ANO10: variants seen among roughly 807,000 people sequenced by gnomAD.
ANO10 encodes anoctamin-10.
A neutral mutation model predicts 74.7 loss-of-function variants in ANO10; 77 were observed. The ratio of observed to expected loss-of-function variants is 1.03; its 90% CI spans 0.86 to 1.25. The LOEUF (loss-of-function observed/expected upper bound fraction) is 1.25, where lower values mean the gene tolerates loss of function less well. ANO10 is among the 50% of genes most tolerant of loss of function. The pLI is 0.00. For missense variants in ANO10, 721 were observed against 778.1 expected (o/e 0.93, Z 0.87); for synonymous variants, 279 against 284.9 (o/e 0.98, Z 0.21).
At chr3:43,690,971 C>T (rs371780182) in intron 1 of ANO10, 39 of 1,569,070 alleles carry the variant, frequency 2.5e-5, no homozygotes, top group South Asian at 5.8e-5. Context: ...AGATAAGTCC[C>T]GGCGCTTGCG....
intron 11 of ANO10, among the ~76,000 whole-genome samples, chr3:43,490,000 A>T (rs558489333): frequency 1.8e-4 from 28 of 152,224 alleles, no homozygotes; most frequent in Non-Finnish European, 3.2e-4. Flanking sequence ...TATCCTTTGC[A>T]TCAAAATAAT....
chr3:43,489,051 T>C (rs1272075284), intron 11 of ANO10, among the ~76,000 whole-genome samples: 1 of 151,634 alleles, frequency 6.6e-6, no homozygotes, highest in Non-Finnish European at 1.5e-5. Flanking sequence ...AACATCATTC[T>C]CAGTAAACTA....
intron 11 of ANO10, among the ~76,000 whole-genome samples, chr3:43,513,938 TG>T (rs1376223524): frequency 6.6e-6 from 1 of 150,626 alleles, no homozygotes. Flanking sequence ...AATATTATTT[TG>T]TTTGCTATTA....
intron 1 of ANO10, among the ~76,000 whole-genome samples, chr3:43,659,209 C>G (rs1277484453): frequency 6.6e-6 from 1 of 152,148 alleles, no homozygotes; most frequent in African/African-American, 2.4e-5. Flanking sequence ...ACTGGTTGGA[C>G]AGTGGGTGCA....
At chr3:43,628,923 AGTCCTGTG>A (rs1209507162) in intron 1 of ANO10, among the ~76,000 whole-genome samples, 2 of 152,316 alleles carry the variant, frequency 1.3e-5, no homozygotes, top group African/African-American at 4.8e-5. Context: ...ATTTCGCCCC[AGTCCTGTG>A]GTCCTGTGAT....
At chr3:43,629,974 C>A (rs1260297627) in intron 1 of ANO10, among the ~76,000 whole-genome samples, 1 of 152,072 alleles carries the variant, frequency 6.6e-6, no homozygotes, top group African/African-American at 2.4e-5. Context: ...GGAAGAGGAC[C>A]AAGGACAGAG....
At chr3:43,617,527 G>T (rs1175226114) in intron 1 of ANO10, among the ~76,000 whole-genome samples, 1 of 152,068 alleles carries the variant, frequency 6.6e-6, no homozygotes, top group Non-Finnish European at 1.5e-5. Flanking sequence ...AATTCATGTG[G>T]CTTTTACATT....
At chr3:43,408,677 C>T (rs1277755211) in intron 12 of ANO10, among the ~76,000 whole-genome samples, 1 of 152,172 alleles carries the variant, frequency 6.6e-6, no homozygotes, top group Admixed American at 6.5e-5. Context: ...CACTCTCCTG[C>T]CAGCTTTTTA....
chr3:43,448,115 T>A (rs1036007253), intron 11 of ANO10, among the ~76,000 whole-genome samples: 2 of 152,118 alleles, frequency 1.3e-5, no homozygotes, highest in Admixed American at 6.6e-5. Context: ...ACATGAGGAT[T>A]CAAGAAGGCC....
intron 11 of ANO10, among the ~76,000 whole-genome samples, chr3:43,472,887 T>C (rs984787354): frequency 6.6e-6 from 1 of 152,228 alleles, no homozygotes; most frequent in Non-Finnish European, 1.5e-5. Context: ...TTTCAAGAAG[T>C]TCATTTTTTA....
intron 12 of ANO10, among the ~76,000 whole-genome samples, chr3:43,405,270 G>C (rs992010554): frequency 1.3e-5 from 2 of 152,170 alleles, no homozygotes; most frequent in African/African-American, 4.8e-5. Context: ...CCCATCTGGA[G>C]GAATTCTGGG....
chr3:43,681,115 T>C (rs993241704), intron 1 of ANO10, among the ~76,000 whole-genome samples: 1 of 152,110 alleles, frequency 6.6e-6, no homozygotes, highest in South Asian at 2.1e-4. Flanking sequence ...AATGCTCCAA[T>C]TAAAAGACAC....
At chr3:43,593,654 A>G (rs2081927576) in intron 4 of ANO10, among the ~76,000 whole-genome samples, 2 of 151,302 alleles carry the variant, frequency 1.3e-5, no homozygotes, top group South Asian at 2.1e-4. Flanking sequence ...ACTGCAAAAA[A>G]CATGCCCAAC....
At chr3:43,644,470 A>C (rs2083706361) in intron 1 of ANO10, among the ~76,000 whole-genome samples, 1 of 152,148 alleles carries the variant, frequency 6.6e-6, no homozygotes, top group Non-Finnish European at 1.5e-5. Context: ...CCCTCCCTGG[A>C]ACAGAGAGGA....
At chr3:43,603,320 T>TA (rs1422945453) in intron 2 of ANO10, among the ~76,000 whole-genome samples, 1 of 152,164 alleles carries the variant, frequency 6.6e-6, no homozygotes, top group African/African-American at 2.4e-5. Context: ...GAACTCCTTT[T>TA]ATTCAGATGT....
At chr3:43,439,095 A>T (rs1220007749) in intron 11 of ANO10, among the ~76,000 whole-genome samples, 1 of 152,138 alleles carries the variant, frequency 6.6e-6, no homozygotes, top group Non-Finnish European at 1.5e-5. Flanking sequence ...ATTATAATCA[A>T]ACTGTCAAAA....
chr3:43,615,343 T>C (rs950597346), intron 1 of ANO10, among the ~76,000 whole-genome samples: 4 of 147,376 alleles, frequency 2.7e-5, no homozygotes, highest in Non-Finnish European at 6.0e-5. Flanking sequence ...TCCTGAAGCA[T>C]GTGTATATGC....
At chr3:43,398,191 A>G (rs2092416721) in intron 12 of ANO10, among the ~76,000 whole-genome samples, 1 of 152,250 alleles carries the variant, frequency 6.6e-6, no homozygotes, top group Non-Finnish European at 1.5e-5. Flanking sequence ...AAATAACAAC[A>G]AATATTGATA....
At chr3:43,470,234 A>G (rs777355615) in intron 11 of ANO10, among the ~76,000 whole-genome samples, 1 of 152,254 alleles carries the variant, frequency 6.6e-6, no homozygotes, top group African/African-American at 2.4e-5. Context: ...CAGGTCTGAA[A>G]AGGCTACCTA....
Sources: allele counts gnomAD v4.1 joint callset (sites outside exome capture counted in the v4.1 genomes callset), GRCh38; gene constraint gnomAD v4.1.1; transcripts MANE v1.5; gene names NCBI Gene and HGNC (gene_info 2026-07-23, HGNC 2026-07-21).